LRRC4C: variants seen among roughly 807,000 people sequenced by gnomAD.
LRRC4C encodes the protein leucine-rich repeat-containing protein 4C.
A neutral mutation model predicts 33.6 loss-of-function variants in LRRC4C; 5 were observed. The observed-to-expected ratio is 0.15, with a 90% confidence interval of 0.08 to 0.31. The LOEUF (loss-of-function observed/expected upper bound fraction) is 0.31. Ranked by LOEUF, LRRC4C falls within the 10% of genes least tolerant of loss-of-function variation. The pLI is 1.00. For synonymous variants in LRRC4C, 329 were observed against 302.0 expected (o/e 1.09, Z -0.93); for missense variants, 560 against 796.7 (o/e 0.70, Z 3.58).
intron 1 of LRRC4C, among the ~76,000 whole-genome samples, chr11:41,118,208 A>G (rs988238058): frequency 6.6e-6 from 1 of 152,196 alleles, no homozygotes; most frequent in Non-Finnish European, 1.5e-5. Flanking sequence ...CTGCTGAAGC[A>G]CAATGCTGTT....
intron 3 of LRRC4C, among the ~76,000 whole-genome samples, chr11:40,517,857 A>G (rs1955635151): frequency 1.3e-5 from 2 of 152,198 alleles, no homozygotes; most frequent in South Asian, 4.1e-4. Flanking sequence ...CTGACTTCAA[A>G]CTATACTACA....
At chr11:40,269,683 A>T (rs1255829922) in intron 4 of LRRC4C, among the ~76,000 whole-genome samples, 1 of 152,120 alleles carries the variant, frequency 6.6e-6, no homozygotes, top group Non-Finnish European at 1.5e-5. Flanking sequence ...TACACAGTAA[A>T]TAATAATATA....
chr11:40,979,619 A>G (rs1006773180), intron 1 of LRRC4C, among the ~76,000 whole-genome samples: 1 of 152,196 alleles, frequency 6.6e-6, no homozygotes, highest in Admixed American at 6.5e-5. Flanking sequence ...AAATTTGAGA[A>G]GCCCGAATTC....
chr11:41,186,513 G>A lies in LRRC4C; in HGVS notation c.-495-252790C>T, dbSNP rs116087830. 5.1e-3 allele frequency among the ~76,000 whole-genome samples: 775 copies of A among 152,238 alleles called. 6 individuals carry two copies. Among genetic ancestry groups the A allele is most frequent in the African/African-American group, 0.018 (728 of 41,536 alleles). On this transcript the variant is annotated intron_variant, in intron 1 of 6. Transcript: ENST00000528697. ...TAGTTGGCTCATGGGTTAGGCACTA[G>A]GTTTCTTTGTATCTTTATCTTTAAA...
At chr11:41,056,052 A>G (rs1827811792) in intron 1 of LRRC4C, among the ~76,000 whole-genome samples, 1 of 152,194 alleles carries the variant, frequency 6.6e-6, no homozygotes, top group Admixed American at 6.6e-5. Flanking sequence ...TCCTCAGGTA[A>G]AATTTCTATT....
At chr11:40,188,279 T>C (rs1459106217) in intron 5 of LRRC4C, among the ~76,000 whole-genome samples, 1 of 152,196 alleles carries the variant, frequency 6.6e-6, no homozygotes, top group Non-Finnish European at 1.5e-5. Flanking sequence ...AACCTTAAAT[T>C]GTGTTTGCAA....
intron 5 of LRRC4C, among the ~76,000 whole-genome samples, chr11:40,168,923 C>T (rs1049286367): frequency 6.6e-6 from 1 of 152,220 alleles, no homozygotes; most frequent in Non-Finnish European, 1.5e-5. Context: ...CCATCGCCTT[C>T]ATGTTTCCTC....
chr11:41,030,554 G>A (rs1856661571), intron 1 of LRRC4C, among the ~76,000 whole-genome samples: 1 of 151,804 alleles, frequency 6.6e-6, no homozygotes, highest in South Asian at 2.1e-4. Flanking sequence ...ATGCTAAAGT[G>A]ACAATCATAA....
At chr11:41,090,246 G>C (rs1178074090) in intron 1 of LRRC4C, among the ~76,000 whole-genome samples, 2 of 152,028 alleles carry the variant, frequency 1.3e-5, no homozygotes, top group Admixed American at 6.6e-5. Flanking sequence ...TGAGAGGAGA[G>C]AGAAACAGAG....
At chr11:40,768,907 T>C (rs1262491407) in intron 2 of LRRC4C, among the ~76,000 whole-genome samples, 2 of 152,038 alleles carry the variant, frequency 1.3e-5, no homozygotes, top group East Asian at 3.9e-4. Flanking sequence ...TAAAAGTCTT[T>C]CCTCTAAGAT....
intron 1 of LRRC4C, among the ~76,000 whole-genome samples, chr11:41,310,720 C>A (rs997253756): frequency 1.3e-5 from 2 of 151,958 alleles, no homozygotes; most frequent in Admixed American, 6.6e-5. Context: ...GTCTAAAAAA[C>A]CAGAATAAAA....
chr11:40,272,974 T>C (rs2136356890), intron 4 of LRRC4C, among the ~76,000 whole-genome samples: 2 of 146,058 alleles, frequency 1.4e-5, no homozygotes, highest in East Asian at 4.0e-4. Context: ...CTAATTTATA[T>C]GATGAGTTTA....
At chr11:41,231,264 G>T (rs911789986) in intron 1 of LRRC4C, among the ~76,000 whole-genome samples, 1 of 152,046 alleles carries the variant, frequency 6.6e-6, no homozygotes, top group African/African-American at 2.4e-5. Context: ...CCATTACTGG[G>T]TATATACCCA....
intron 2 of LRRC4C, among the ~76,000 whole-genome samples, chr11:40,761,296 G>T (rs1262207854): frequency 1.3e-5 from 2 of 152,084 alleles, no homozygotes; most frequent in Non-Finnish European, 2.9e-5. Flanking sequence ...AACTATAACA[G>T]CATCATACTT....
At chr11:41,149,139 T>A (rs1334425536) in intron 1 of LRRC4C, among the ~76,000 whole-genome samples, 2 of 152,176 alleles carry the variant, frequency 1.3e-5, no homozygotes, top group Admixed American at 1.3e-4. Flanking sequence ...CAATCTTGAC[T>A]ATAATATGCT....
chr11:40,465,153 C>A (rs752480531), intron 3 of LRRC4C, among the ~76,000 whole-genome samples: 1 of 151,904 alleles, frequency 6.6e-6, no homozygotes, highest in African/African-American at 2.4e-5. Context: ...AGAAATCAAG[C>A]CTCATACCTA....
chr11:40,933,736 T>C lies in LRRC4C; in HGVS notation c.-495-13A>G, dbSNP rs1254874121. 1 of 152,178 alleles carries C rather than the reference T, an allele frequency of 6.6e-6. No homozygotes were observed. Among genetic ancestry groups the C allele is most frequent in the Non-Finnish European group, 1.5e-5 (1 of 68,030 alleles). The allele number at this position is 152,178 out of a possible 1,614,324, so 9.4% of individuals were successfully genotyped here. On this transcript the variant is annotated splice_polypyrimidine_tract_variant and intron_variant, in intron 1 of 6. Coordinates refer to ENST00000528697, the MANE Select transcript of LRRC4C (RefSeq NM_001258419.2). ...AAGAGAACCATTTCTAGAAAAGACA[T>C]ACGATTAAAACATGGCATTACATTT...
intron 2 of LRRC4C, among the ~76,000 whole-genome samples, chr11:40,785,331 A>G (rs1269696076): frequency 6.6e-6 from 1 of 152,208 alleles, no homozygotes; most frequent in East Asian, 1.9e-4. Flanking sequence ...TTCCAAACTC[A>G]TAACTTGCAA....
chr11:41,063,229 C>T (rs569463811), intron 1 of LRRC4C, among the ~76,000 whole-genome samples: 1 of 152,026 alleles, frequency 6.6e-6, no homozygotes, highest in African/African-American at 2.4e-5. Context: ...AAAACTATAC[C>T]TTTATTATTT....
Sources: allele counts gnomAD v4.1 joint callset (sites outside exome capture counted in the v4.1 genomes callset), GRCh38; gene constraint gnomAD v4.1.1; transcripts MANE v1.5; gene names NCBI Gene and HGNC (gene_info 2026-07-23, HGNC 2026-07-21).